Variants in C16orf95 observed in about 807,000 individuals in gnomAD.
C16orf95 encodes chromosome 16 open reading frame 95.
A neutral mutation model predicts 32.1 loss-of-function variants in C16orf95; 41 were observed. The observed-to-expected ratio is 1.28, with a 90% confidence interval of 1.00 to 1.66. The LOEUF is 1.66. Ranked by LOEUF, C16orf95 falls within the 40% of genes most tolerant of loss-of-function variation. C16orf95 has a pLI of 0.00. For missense variants in C16orf95, 399 were observed against 325.9 expected (o/e 1.22, Z -1.73); for synonymous variants, 147 against 128.9 (o/e 1.14, Z -0.95).
At chr16:87,313,243 G>A (rs1384814465) in intron 3 of C16orf95, among the ~76,000 whole-genome samples, 2 of 149,990 alleles carry the variant, frequency 1.3e-5, no homozygotes, top group Non-Finnish European at 3.0e-5. Context: ...AACAAAGTTT[G>A]AAAATGAACA....
In C16orf95 at chr16:87,317,168, G is replaced by A; in HGVS notation, c.75C>T (p.Gly25=). 2 of 1,530,744 alleles carry A rather than the reference G, an allele frequency of 1.3e-6. No homozygotes were observed. Among genetic ancestry groups the A allele is most frequent in the Non-Finnish European group, 1.7e-6 (2 of 1,144,708 alleles). The allele number at this position is 1,530,744 out of a possible 1,614,324, so 94.8% of individuals were successfully genotyped here. A position where few individuals can be genotyped will look rare whatever the true frequency, so the allele number is the denominator to read the frequency against. Residue 25 remains glycine (G), a synonymous_variant, in exon 1 of 7, where the codon GGC becomes GGT. Transcript: ENST00000567970. ...HHHEATGAAS[G]AAAGGPGAGC... is the part of the protein sequence containing the mutation. ...CCGCGCCCGGCCCCCCGGCAGCAGC[G>A]CCTGAGGCTGCTCCAGTGGCCTCAT... is the stretch of plus-strand genomic sequence containing the variant.
In C16orf95 at chr16:87,305,527, T is replaced by G. The variant is rs1910978448; in HGVS notation, c.701+192A>C. On this transcript the variant is annotated intron_variant, in intron 6 of 6. Transcript: ENST00000567970. This position sits in a 1 kb window ranked among gnomAD's most constrained non-coding sequence, Gnocchi z 4.2. The stretch of plus-strand genomic sequence containing the variant: ...GCCGCCCCCAGGCTGCCCTGGCATC[T>G]CTAGGTGACGCGGGGCAGAGCCTGC... Among the ~76,000 whole-genome samples, 1 of 57,288 alleles carries G rather than the reference T, an allele frequency of 1.7e-5. No individual in the cohort carries two copies. The highest frequency in any genetic ancestry group is 1.7e-4 in the Admixed American group (1 of 6,014). The allele number at this position is 57,288 out of a possible 152,430, so 37.6% of individuals were successfully genotyped here. A position where few individuals can be genotyped will look rare whatever the true frequency, so the allele number is the denominator to read the frequency against.
In C16orf95 at chr16:87,312,596, G is replaced by A. The variant is rs1000266363; in HGVS notation, c.331-1300C>T. Among the ~76,000 whole-genome samples the A allele has an allele frequency of 2.5e-3, 353 of 143,728 alleles. 2 individuals carry two copies. Among genetic ancestry groups the A allele is most frequent in the Non-Finnish European group, 4.6e-3 (301 of 65,154 alleles). 94.3% of individuals were successfully genotyped at this position (143,728 alleles called of 152,430 possible). A position where few individuals can be genotyped will look rare whatever the true frequency, so the allele number is the denominator to read the frequency against. ...AAAAAAAAAAAAAAAAGAAAGAAAA[G>A]AAAAGAAAAAGAAAAACTGAATGCC... On this transcript the variant is annotated intron_variant, in intron 3 of 6. Coordinates refer to ENST00000567970, the MANE Select transcript of C16orf95 (RefSeq NM_001195124.3).
At chr16:87,303,434 C>G (rs931584879) in intron 6 of C16orf95, 1 of 236,006 alleles carries the variant, frequency 4.2e-6, no homozygotes, top group African/African-American at 2.2e-5. Context: ...ACCCTCTCCC[C>G]CCACCCCCGG....
chr16:87,306,642 C>T (rs35599375), intron 5 of C16orf95, among the ~76,000 whole-genome samples: 71,605 of 151,988 alleles, frequency 0.47, 17,850 homozygotes, highest in Non-Finnish European at 0.58. Context: ...AAAATGGAAA[C>T]CAGTCAGATT....
At chr16:87,313,632 G>A (rs1026266253) in intron 3 of C16orf95, among the ~76,000 whole-genome samples, 4 of 152,124 alleles carry the variant, frequency 2.6e-5, no homozygotes, top group African/African-American at 9.7e-5. Flanking sequence ...CTACTTGGGG[G>A]GTGAGGGGGG....
At chr16:87,307,068 G>A (rs1041899866) in intron 5 of C16orf95, among the ~76,000 whole-genome samples, 2 of 152,144 alleles carry the variant, frequency 1.3e-5, no homozygotes, top group Non-Finnish European at 2.9e-5. Context: ...TGCCTCTGGG[G>A]GTTCCACTCA....
chr16:87,315,222 A>T, intron 2 of C16orf95, 126 bp from the exon 3 acceptor site: 1 of 1,002,218 alleles, frequency 1.0e-6, no homozygotes, highest in South Asian at 1.7e-5. Context: ...CCCAGCTCCT[A>T]CTGCAGCTTG....
In C16orf95 at chr16:87,303,007, T is replaced by C; in HGVS notation, c.*50A>G. 1.3e-6 allele frequency: 2 copies of C among 1,529,802 alleles called. No individual in the cohort carries two copies. The highest frequency in any genetic ancestry group is 2.4e-5 in the East Asian group (1 of 40,880). 94.8% of individuals were successfully genotyped at this position (1,529,802 alleles called of 1,614,324 possible). On this transcript the variant is annotated 3_prime_UTR_variant, in exon 7 of 7. Transcript: ENST00000567970. ...ATTGGTGGACTCTCAAAGATCTTGATCGTGACACATTTTTGTGGCTGTTCT... is the reference window on the plus strand; with the variant it reads ...ATTGGTGGACTCTCAAAGATCTTGACCGTGACACATTTTTGTGGCTGTTCT...
intron 3 of C16orf95, among the ~76,000 whole-genome samples, chr16:87,311,886 G>T (rs1051159035): frequency 7.9e-5 from 12 of 152,198 alleles, no homozygotes; most frequent in Non-Finnish European, 1.8e-4. Flanking sequence ...ATAAATGACA[G>T]ACATCGGGCA....
Position 87,308,248 on chromosome 16 carries a change from C to A in C16orf95, c.514+2049G>T, listed in dbSNP as rs147803950. On this transcript the variant is annotated intron_variant, in intron 5 of 6. Coordinates refer to ENST00000567970, the MANE Select transcript of C16orf95 (RefSeq NM_001195124.3). ...CTGTAATCCCAGCACTTTGGGAGGCCAAGGTGGGAGGATCACGAGGTCAGG... is the reference window on the plus strand; with the variant it reads ...CTGTAATCCCAGCACTTTGGGAGGCAAAGGTGGGAGGATCACGAGGTCAGG... Among the ~76,000 whole-genome samples, 993 of 152,118 alleles carry A rather than the reference C, an allele frequency of 6.5e-3. 6 individuals are homozygous for A. The highest frequency in any genetic ancestry group is 0.023 in the African/African-American group (936 of 41,496).
intron 1 of C16orf95, 109 bp from the exon 2 acceptor site, chr16:87,315,932 C>G: frequency 1.6e-6 from 1 of 624,806 alleles, no homozygotes; most frequent in Non-Finnish European, 2.5e-6. Context: ...ATAATAAAGC[C>G]CACGGGTGGT....
At chr16:87,306,226 T>C (rs1454824679) in intron 5 of C16orf95, 1 of 205,590 alleles carries the variant, frequency 4.9e-6, no homozygotes, top group Non-Finnish European at 9.6e-6. Flanking sequence ...GTGGTGAAGA[T>C]CAGAGGAACC....
At chr16:87,310,434 C>A in intron 4 of C16orf95, 101 bp from the exon 5 acceptor site, 1 of 1,220,414 alleles carries the variant, frequency 8.2e-7, no homozygotes, top group South Asian at 1.3e-5. Flanking sequence ...CACTGGCCAG[C>A]TCAAGATAAA....
At chr16:87,306,208 G>T (rs573235856) in intron 5 of C16orf95, 2 of 228,678 alleles carry the variant, frequency 8.7e-6, no homozygotes, top group Non-Finnish European at 1.7e-5. Flanking sequence ...TTTTTGGAGC[G>T]GGAGTGGGTG....
chr16:87,311,979 G>A (rs1171065273), intron 3 of C16orf95, among the ~76,000 whole-genome samples: 1 of 152,222 alleles, frequency 6.6e-6, no homozygotes, highest in Admixed American at 6.5e-5. Flanking sequence ...GCTGTAAAGT[G>A]AGGAAGATGC....
At chr16:87,316,786 G>A (rs1205803901) in intron 1 of C16orf95, among the ~76,000 whole-genome samples, 2 of 152,170 alleles carry the variant, frequency 1.3e-5, no homozygotes, top group African/African-American at 2.4e-5. Flanking sequence ...AACCTCAGGA[G>A]GTCCTGGTGA....
Position 87,308,114 on chromosome 16 carries a change from G to A in C16orf95, c.514+2183C>T, listed in dbSNP as rs139918048. Among the ~76,000 whole-genome samples the A allele has an allele frequency of 8.1e-3, 1,234 of 152,280 alleles. 26 individuals carry two copies. Among genetic ancestry groups the A allele is most frequent in the African/African-American group, 0.029 (1,188 of 41,554 alleles). On this transcript the variant is annotated intron_variant, in intron 5 of 6. Coordinates refer to ENST00000567970, the MANE Select transcript of C16orf95 (RefSeq NM_001195124.3). ...TGAGCGGGAGCCTTGCTGTGGTAGA[G>A]AAGGACTCTGGTGGAGCTTTCCAGA...
chr16:87,313,225 A>G (rs931611046), intron 3 of C16orf95, among the ~76,000 whole-genome samples: 3 of 152,174 alleles, frequency 2.0e-5, no homozygotes, highest in African/African-American at 7.2e-5. Context: ...CCAAGTCTGA[A>G]AAAGAAAAAC....
Sources: gnomAD v4.1 joint callset for allele counts (sites outside exome capture counted in the v4.1 genomes callset) on GRCh38, gnomAD v4.1.1 for gene constraint, Gnocchi (gnomAD v3.1) non-coding constraint, MANE v1.5 for transcripts, NCBI Gene and HGNC (gene_info 2026-07-23, HGNC 2026-07-21) for gene names.